LRCH2: variants seen among roughly 807,000 people sequenced by gnomAD.
LRCH2 encodes the protein leucine rich repeats and calponin homology domain containing 2, also known as leucine-rich repeat and calponin homology domain-containing protein 2.
In LRCH2, 38 loss-of-function variants were observed where a neutral mutation model predicts 68.9. The observed-to-expected ratio is 0.55, with a 90% CI of 0.43 to 0.72. The LOEUF (loss-of-function observed/expected upper bound fraction) is 0.72. Ranked by LOEUF, LRCH2 falls within the 30% of genes least tolerant of loss-of-function variation. LRCH2 has a pLI of 0.00. For missense variants in LRCH2, 528 were observed against 572.9 expected, an observed-to-expected ratio of 0.92 and a Z score of 0.80; for synonymous variants, 191 against 208.1, an observed-to-expected ratio of 0.92 and a Z score of 0.71.
rs1468114684 is a variant in LRCH2 at position 115,223,237 on chromosome X, A to G, written c.349+10456T>C. ...AAAAATGAAAGAGCTAAAACTATAA[A>G]CTCAGAATACATAAGGATAAATCGT... On this transcript the variant is annotated intron_variant, in intron 1 of 20. Coordinates refer to ENST00000317135, the MANE Select transcript of LRCH2 (RefSeq NM_020871.4). 2.7e-5 allele frequency among the ~76,000 whole-genome samples: 3 copies of G among 111,470 alleles called. No homozygotes were observed. The East Asian group carries it at 8.5e-4, about 32-fold the overall frequency.
At chrX:115,115,836 G>T (rs1406094684) in intron 20 of LRCH2, among the ~76,000 whole-genome samples, 1 of 108,228 alleles carries the variant, frequency 9.2e-6, no homozygotes, top group East Asian at 2.9e-4. Context: ...AATACATAAG[G>T]AACTACAACT....
intron 20 of LRCH2, among the ~76,000 whole-genome samples, chrX:115,119,894 G>A (rs78543738): frequency 8.1e-5 from 9 of 110,610 alleles, no homozygotes; most frequent in African/African-American, 3.0e-4. Context: ...ATCTTTGACA[G>A]ACCTGAGAAA....
intron 14 of LRCH2, among the ~76,000 whole-genome samples, chrX:115,130,664 A>G (rs1297956496): frequency 9.0e-6 from 1 of 111,302 alleles, no homozygotes; most frequent in Admixed American, 9.6e-5. Context: ...TTATTAAGAA[A>G]CCTACTGCTT....
At chrX:115,146,906 TACACACAC>T (rs57837250) in intron 14 of LRCH2, among the ~76,000 whole-genome samples, 3,971 of 67,429 alleles carry the variant, frequency 0.059, 62 homozygotes, top group African/African-American at 0.091. Context: ...CTTACATACA[TACACACAC>T]ACACACACAC....
intron 16 of LRCH2, among the ~76,000 whole-genome samples, chrX:115,125,498 T>C (rs1158952367): frequency 0.016 from 1 of 62 alleles, no homozygotes. Context: ...TATATATATA[T>C]ATATATATAT....
At chrX:115,186,503 T>A (rs1556554498) in intron 2 of LRCH2, among the ~76,000 whole-genome samples, 1 of 111,628 alleles carries the variant, frequency 9.0e-6, no homozygotes, top group Non-Finnish European at 1.9e-5. Flanking sequence ...TATTTCAATA[T>A]AGTTTGCTCA....
intron 20 of LRCH2, among the ~76,000 whole-genome samples, chrX:115,117,382 T>A (rs2072091793): frequency 8.9e-6 from 1 of 111,961 alleles, no homozygotes. Flanking sequence ...AAGAGTTATG[T>A]AGTTTCTTAA....
chrX:115,173,900 T>C (rs1436750435), intron 5 of LRCH2, among the ~76,000 whole-genome samples: 1 of 112,287 alleles, frequency 8.9e-6, no homozygotes, highest in Non-Finnish European at 1.9e-5. Flanking sequence ...ATATTTTCTC[T>C]TCCTTATGAT....
At chrX:115,189,104 T>A (rs1056132060) in intron 1 of LRCH2, among the ~76,000 whole-genome samples, 11 of 111,728 alleles carry the variant, frequency 9.8e-5, no homozygotes, top group African/African-American at 3.6e-4. Context: ...TTGGTTTCTA[T>A]CCACTCTCAC....
At chrX:115,189,776 G>A (rs994268385) in intron 1 of LRCH2, 17 of 1,167,227 alleles carry the variant, frequency 1.5e-5, no homozygotes, top group African/African-American at 3.5e-5. Context: ...CACAGAACCC[G>A]TGGGGGTGGC....
intron 14 of LRCH2, among the ~76,000 whole-genome samples, chrX:115,134,346 A>C (rs1556531241): frequency 8.9e-6 from 1 of 112,593 alleles, no homozygotes. Context: ...AGCTAAGACA[A>C]TTGATGAAGG....
chrX:115,117,478 A>C (rs2072092818), intron 20 of LRCH2, among the ~76,000 whole-genome samples: 1 of 111,908 alleles, frequency 8.9e-6, no homozygotes, highest in Non-Finnish European at 1.9e-5. Context: ...ATCCATACAA[A>C]GACTTGTATA....
intron 6 of LRCH2, among the ~76,000 whole-genome samples, chrX:115,169,065 A>T (rs915361590): frequency 8.9e-6 from 1 of 112,289 alleles, no homozygotes; most frequent in Non-Finnish European, 1.9e-5. Context: ...CTTTCTGCCT[A>T]AGATGCTCTT....
At chrX:115,195,051 G>A (rs1052562756) in intron 1 of LRCH2, among the ~76,000 whole-genome samples, 4 of 111,166 alleles carry the variant, frequency 3.6e-5, no homozygotes, top group African/African-American at 1.3e-4. Flanking sequence ...TTGGGAGGCC[G>A]AGGTGGGCGG....
rs2072675642 is a variant in LRCH2, at chrX:115,179,489, T to G, written c.802A>C (p.Lys268Gln). 8.7e-7 allele frequency: 1 copy of G among 1,153,714 alleles called. No homozygotes were observed. Among genetic ancestry groups the G allele is most frequent in the African/African-American group, 1.8e-5 (1 of 55,493 alleles). The change falls in exon 5 of 21, where the codon AAG (lysine) becomes CAG (glutamine). Residue 268 changes from lysine (K) to glutamine (Q), a missense_variant. Transcript: ENST00000317135. ...KVTEIPVCYR[K>Q]LHHLQVIILD... is the part of the protein sequence containing the mutation. ...ATTATTACTTGTAAATGATGCAGCT[T>G]TCTGTAACAAACTGGAATTTCGGTC...
chrX:115,230,706 G>A (rs1169435727), intron 1 of LRCH2, among the ~76,000 whole-genome samples: 3 of 111,924 alleles, frequency 2.7e-5, no homozygotes, highest in African/African-American at 9.7e-5. Context: ...CAATTTTTGA[G>A]TATTTAGTTC....
intron 3 of LRCH2, among the ~76,000 whole-genome samples, chrX:115,183,304 TTC>T (rs2072708159): frequency 8.9e-6 from 1 of 111,846 alleles, no homozygotes; most frequent in African/African-American, 3.3e-5. Flanking sequence ...GCTCATTACA[TTC>T]TGTTAATATT....
intron 1 of LRCH2, among the ~76,000 whole-genome samples, chrX:115,203,503 G>A (rs1321662383): frequency 1.8e-5 from 2 of 112,253 alleles, no homozygotes; most frequent in Non-Finnish European, 3.8e-5. Flanking sequence ...TTTTGCCTAT[G>A]AGCCTGTAAA....
At chrX:115,187,011 G>A (rs1278558129) in intron 2 of LRCH2, among the ~76,000 whole-genome samples, 1 of 110,360 alleles carries the variant, frequency 9.1e-6, no homozygotes, top group African/African-American at 3.3e-5. Context: ...GTAGAGACAG[G>A]GTTTCACCAT....
Sources: gnomAD v4.1 joint callset for allele counts (sites outside exome capture counted in the v4.1 genomes callset) on GRCh38, gnomAD v4.1.1 for gene constraint, MANE v1.5 for transcripts, NCBI Gene and HGNC (gene_info 2026-07-23, HGNC 2026-07-21) for gene names.